Variants in SPECC1 observed in about 807,000 individuals in gnomAD.
The protein encoded by SPECC1 is cytospin-B.
Under a neutral mutation model 104.1 loss-of-function variants are expected in SPECC1, and 62 were observed. The observed-to-expected ratio is 0.60, with a 90% confidence interval of 0.49 to 0.74. SPECC1 has a LOEUF of 0.74. Ranked by LOEUF, SPECC1 falls within the 30% of genes least tolerant of loss-of-function variation. The probability of loss-of-function intolerance (pLI) is 0.00; values close to 1 mark genes in which losing one functional copy is unlikely to be tolerated. For missense variants in SPECC1, 1,306 were observed against 1,310.5 expected (o/e 1.00, Z 0.05); for synonymous variants, 513 against 501.6 (o/e 1.02, Z -0.30).
At chr17:20,156,245 G>C (rs897359410) in intron 3 of SPECC1, 41 of 1,353,736 alleles carry the variant, frequency 3.0e-5, no homozygotes, top group Non-Finnish European at 3.9e-5. Flanking sequence ...AGGTCTGTGC[G>C]GCTGGCGGGG....
At chr17:20,121,485 C>T (rs889787335) in intron 3 of SPECC1, among the ~76,000 whole-genome samples, 1 of 152,104 alleles carries the variant, frequency 6.6e-6, no homozygotes, top group Non-Finnish European at 1.5e-5. Context: ...AATCCTCCTG[C>T]CCCAGCTCTC....
At position 20,306,051 on chromosome 17, in the gene SPECC1, C is replaced by T. The variant is rs376317224; in HGVS notation, c.3086C>T (p.Ala1029Val). The change falls in exon 14 of 15, where the codon GCG becomes GTG. Residue 1029 changes from alanine (A) to valine (V), a missense_variant. Physicochemically the swap from Ala to Val is moderately conservative, Grantham distance 64 (BLOSUM62 0). Coordinates refer to ENST00000395527, the MANE Select transcript of SPECC1 (RefSeq NM_001243439.2). ...AGGAATCTCTTGTTGGCATTTGAAGCGGCTGAAAGTGTAGGCATCAAACCC... is the reference window on the plus strand; with the variant it reads ...AGGAATCTCTTGTTGGCATTTGAAGTGGCTGAAAGTGTAGGCATCAAACCC... ...KKRNLLLAFE[A>V]AESVGIKPSL... is the part of the protein sequence containing the mutation. 1.4e-5 allele frequency: 22 copies of T among 1,613,714 alleles called. No homozygotes were observed. Among genetic ancestry groups the T allele is most frequent in the Admixed American group, 1.7e-5 (1 of 59,916 alleles).
chr17:20,307,464 G>T (rs2041801704), intron 14 of SPECC1, among the ~76,000 whole-genome samples: 1 of 152,162 alleles, frequency 6.6e-6, no homozygotes, highest in Non-Finnish European at 1.5e-5. Context: ...GAGAGCAAGT[G>T]CCTCCTATCT....
chr17:20,227,672 T>G, intron 5 of SPECC1, 52 bp downstream of exon 5: 1 of 1,553,462 alleles, frequency 6.4e-7, no homozygotes, highest in East Asian at 2.3e-5. Flanking sequence ...CCCAGCACTT[T>G]GGGAGGCTGA....
intron 1 of SPECC1, among the ~76,000 whole-genome samples, chr17:20,036,866 A>G (rs1223214392): frequency 1.3e-5 from 2 of 152,214 alleles, no homozygotes. Context: ...AATGAGAGTG[A>G]ACATCCTTGC....
At chr17:20,244,557 T>C (rs934882568) in intron 7 of SPECC1, among the ~76,000 whole-genome samples, 9 of 152,280 alleles carry the variant, frequency 5.9e-5, no homozygotes, top group African/African-American at 1.9e-4. Flanking sequence ...TTTAACTGTT[T>C]TAAGTTCTGT....
At chr17:20,283,943 A>G (rs539271798) in intron 12 of SPECC1, among the ~76,000 whole-genome samples, 1 of 152,092 alleles carries the variant, frequency 6.6e-6, no homozygotes, top group African/African-American at 2.4e-5. Context: ...TGCTATACAT[A>G]TATTGGTTTT....
chr17:20,035,243 C>T (rs1386204985), intron 1 of SPECC1, among the ~76,000 whole-genome samples: 1 of 152,054 alleles, frequency 6.6e-6, no homozygotes, highest in South Asian at 2.1e-4. Flanking sequence ...TTTTCTTTTT[C>T]AAATTTGTTT....
intron 4 of SPECC1, among the ~76,000 whole-genome samples, chr17:20,219,309 C>T (rs2037711972): frequency 1.3e-5 from 2 of 152,160 alleles, no homozygotes; most frequent in Admixed American, 1.3e-4. Context: ...TCTTCCCCAG[C>T]ATTTGTCATT....
At chr17:20,120,385 CA>C (rs921108215) in intron 3 of SPECC1, among the ~76,000 whole-genome samples, 8 of 145,020 alleles carry the variant, frequency 5.5e-5, no homozygotes, top group Admixed American at 6.8e-5. Context: ...GACTCAGTCT[CA>C]AAAAAAAAAT....
chr17:20,296,860 A>G (rs2041368329), intron 12 of SPECC1, 101 bp from the exon 13 acceptor site: 1 of 1,118,560 alleles, frequency 8.9e-7, no homozygotes, highest in Non-Finnish European at 1.3e-6. Context: ...ATTTTTGCAC[A>G]TTGATTTTGT....
At chr17:20,233,743 G>A (rs2038741595) in intron 7 of SPECC1, among the ~76,000 whole-genome samples, 1 of 152,144 alleles carries the variant, frequency 6.6e-6, no homozygotes, top group Non-Finnish European at 1.5e-5. Context: ...GGGAGAATAG[G>A]AAAACTAGGT....
At chr17:20,281,896 C>T (rs1179674587) in intron 12 of SPECC1, among the ~76,000 whole-genome samples, 4 of 152,214 alleles carry the variant, frequency 2.6e-5, no homozygotes, top group African/African-American at 9.6e-5. Context: ...ATCTGGGATC[C>T]GAGGTGAGGG....
intron 1 of SPECC1, among the ~76,000 whole-genome samples, chr17:20,081,267 C>T (rs1242668360): frequency 1.3e-5 from 2 of 152,120 alleles, no homozygotes; most frequent in Non-Finnish European, 2.9e-5. Flanking sequence ...CATCCTGTGT[C>T]CTGGTGCCTA....
chr17:20,013,373 C>G (rs975251706), intron 1 of SPECC1, among the ~76,000 whole-genome samples: 9 of 152,180 alleles, frequency 5.9e-5, no homozygotes, highest in African/African-American at 1.9e-4. Flanking sequence ...CTGTTATTCT[C>G]TCTCTTTTTT....
chr17:20,078,777 A>G (rs547177672), intron 1 of SPECC1, among the ~76,000 whole-genome samples: 20 of 152,340 alleles, frequency 1.3e-4, no homozygotes, highest in African/African-American at 4.3e-4. Context: ...ATGTATATAA[A>G]AATTCATTTA....
intron 14 of SPECC1, among the ~76,000 whole-genome samples, chr17:20,308,589 A>G (rs2142188854): frequency 6.6e-6 from 1 of 152,294 alleles, no homozygotes; most frequent in South Asian, 2.1e-4. Flanking sequence ...TATTCCTATG[A>G]AACTTAAGAA....
At chr17:20,124,725 A>T (rs2049199468) in intron 3 of SPECC1, among the ~76,000 whole-genome samples, 1 of 152,218 alleles carries the variant, frequency 6.6e-6, no homozygotes. Flanking sequence ...CGAACATCAT[A>T]GCTGAGCCCA....
rs371978173 is a variant in SPECC1, at chr17:20,282,018, C to G, written c.2941-14943C>G. On this transcript the variant is annotated intron_variant, in intron 12 of 14. Transcript: ENST00000395527. ...TGTGAGGCTAGCACTGCCAGTGGAACTGCTGTTGGGCTGGAGGAAGTGGAC... is the reference window on the plus strand; with the variant it reads ...TGTGAGGCTAGCACTGCCAGTGGAAGTGCTGTTGGGCTGGAGGAAGTGGAC... Among the ~76,000 whole-genome samples the G allele has an allele frequency of 2.6e-5, 4 of 152,366 alleles. No homozygotes were observed. In the East Asian group the frequency reaches 7.7e-4, roughly 29 times the overall value.
Sources: allele counts gnomAD v4.1 joint callset (sites outside exome capture counted in the v4.1 genomes callset), GRCh38; gene constraint gnomAD v4.1.1; transcripts MANE v1.5; gene names NCBI Gene and HGNC (gene_info 2026-07-23, HGNC 2026-07-21).